The following CARS2 variants were observed in gnomAD, a reference collection of about 807,000 sequenced individuals.
The protein encoded by CARS2 is cysteinyl-tRNA synthetase 2, mitochondrial.
In CARS2, 52 loss-of-function variants were observed where a neutral mutation model predicts 68.8. The observed-to-expected ratio is 0.76, with a 90% CI of 0.61 to 0.95. CARS2 has a LOEUF of 0.95. Among genes scored for constraint, CARS2 ranks in the 40% least tolerant of loss-of-function variants. The probability of loss-of-function intolerance (pLI) is 0.00; values close to 1 mark genes in which losing one functional copy is unlikely to be tolerated. For synonymous variants in CARS2, 314 were observed against 303.6 expected, an observed-to-expected ratio of 1.03 and a Z score of -0.36; for missense variants, 780 against 754.2, an observed-to-expected ratio of 1.03 and a Z score of -0.40.
intron 11 of CARS2, chr13:110,646,545 C>T (rs1288673137): frequency 2.4e-5 from 4 of 165,788 alleles, no homozygotes; most frequent in African/African-American, 7.2e-5. Flanking sequence ...CAAGACCATC[C>T]GGAAGACTCT....
chr13:110,679,623 G>T (rs1025530077), intron 6 of CARS2, among the ~76,000 whole-genome samples: 1 of 111,250 alleles, frequency 9.0e-6, no homozygotes, highest in Non-Finnish European at 1.9e-5. Flanking sequence ...GAGAGAGAGA[G>T]AGGGAGGGAG....
In CARS2 at chr13:110,687,949, T is replaced by C; in HGVS notation, c.463A>G (p.Lys155Glu). Residue 155 changes from lysine to glutamate, a missense_variant and splice_region_variant, in exon 4 of 15, where the codon AAG becomes GAG. Lys to Glu is a moderately conservative substitution (Grantham distance 56). Coordinates refer to ENST00000257347, the MANE Select transcript of CARS2 (RefSeq NM_024537.4). ...EDFKQDMAALKVLPPTVYLRV... is the reference protein window; with the variant it reads ...EDFKQDMAALEVLPPTVYLRV... ...GAACAACCAGCCCCACACTTTACCTTCAGGGCTGCCATGTCCTGCTTGAAG... is the reference window on the plus strand; with the variant it reads ...GAACAACCAGCCCCACACTTTACCTCCAGGGCTGCCATGTCCTGCTTGAAG... 6.2e-7 allele frequency: 1 copy of C among 1,612,232 alleles called. No individual in the cohort carries two copies. The highest frequency in any genetic ancestry group is 8.5e-7 in the Non-Finnish European group (1 of 1,178,768).
At position 110,705,903 on chromosome 13, in the gene CARS2, G is replaced by A; in HGVS notation, c.191C>T (p.Pro64Leu). 1 of 1,575,698 alleles carries A rather than the reference G, an allele frequency of 6.3e-7. No individual in the cohort carries two copies. The highest frequency in any genetic ancestry group is 8.6e-7 in the Non-Finnish European group (1 of 1,162,922). ...GGCTTCGGCGTGCGCCACGATTAGG[G>A]GTTCCTTCCTCCCGGTGAGGCTGTT... ...VYNSLTGRKEPLIVAHAEAAS... is the reference protein window; with the variant it reads ...VYNSLTGRKELLIVAHAEAAS... The change falls in exon 1 of 15, where the codon CCC (proline) becomes CTC (leucine). Residue 64 changes from proline to leucine, a missense_variant. Physicochemically the swap from Pro to Leu is moderately conservative, Grantham distance 98. Transcript: ENST00000257347. The surrounding 1 kb of genome is among the most constrained non-coding windows in gnomAD (Gnocchi z 4.0).
intron 3 of CARS2, among the ~76,000 whole-genome samples, chr13:110,694,125 T>TTAAG (rs972851101): frequency 4.0e-5 from 6 of 151,876 alleles, no homozygotes; most frequent in African/African-American, 1.2e-4. Context: ...CCTCCCAGGT[T>TTAAG]TAAGTGATTT....
rs1375835057 is a variant in CARS2, at chr13:110,692,061, T to C, written c.394-4043A>G. On this transcript the variant is annotated intron_variant, in intron 3 of 14. Coordinates refer to ENST00000257347, the MANE Select transcript of CARS2 (RefSeq NM_024537.4). ...ATATATATATATACACATATACATA[T>C]ATATATACACACATACATATATATA... 2.7e-5 allele frequency among the ~76,000 whole-genome samples: 4 copies of C among 145,918 alleles called. No individual in the cohort carries two copies. In the South Asian group the frequency reaches 8.5e-4, roughly 31 times the overall value.
chr13:110,675,781 C>T (rs1000194506), intron 7 of CARS2, among the ~76,000 whole-genome samples: 4 of 152,170 alleles, frequency 2.6e-5, no homozygotes, highest in Non-Finnish European at 4.4e-5. Context: ...AACACTGAAA[C>T]GCTAGGAACA....
Position 110,651,054 on chromosome 13 carries a change from A to G in CARS2, c.1034T>C (p.Leu345Pro). 6.2e-7 allele frequency: 1 copy of G among 1,613,368 alleles called. No individual in the cohort carries two copies. The highest frequency in any genetic ancestry group is 8.5e-7 in the Non-Finnish European group (1 of 1,179,858). The part of the protein sequence containing the change: ...FSPDVFRFFC[L>P]RSSYRSAIDY... ...CTCACCTGAGCGGTAGCTGCTCCGC[A>G]GGCAGAAGAACCGGAAGACATCGGG... is the stretch of plus-strand genomic sequence containing the variant. Residue 345 changes from leucine (L) to proline (P), a missense_variant, in exon 10 of 15, where the codon CTG (leucine) becomes CCG (proline). Transcript: ENST00000257347.
chr13:110,687,678 CAA>C (rs375287344), intron 5 of CARS2, 41 bp downstream of exon 5: 2,491 of 776,144 alleles, frequency 3.2e-3, no homozygotes, highest in Middle Eastern at 4.7e-3. Flanking sequence ...AACTCTGTCT[CAA>C]AAAAAAAAAA....
At chr13:110,685,232 C>G (rs917274389) in intron 5 of CARS2, among the ~76,000 whole-genome samples, 1 of 152,082 alleles carries the variant, frequency 6.6e-6, no homozygotes, top group African/African-American at 2.4e-5. Context: ...ATTGCTTGAA[C>G]CCGGGAGGCG....
intron 3 of CARS2, among the ~76,000 whole-genome samples, chr13:110,698,391 G>A (rs1055862611): frequency 5.9e-5 from 9 of 151,938 alleles, no homozygotes; most frequent in Non-Finnish European, 1.0e-4. Flanking sequence ...ATGGTGGTGG[G>A]TGTCTGTAAT....
intron 3 of CARS2, among the ~76,000 whole-genome samples, chr13:110,690,142 C>T (rs1053231881): frequency 6.6e-6 from 1 of 152,138 alleles, no homozygotes; most frequent in Non-Finnish European, 1.5e-5. Context: ...GCAGGAGAAT[C>T]GCTTGAACCC....
At chr13:110,687,645 C>T (rs902277990) in intron 5 of CARS2, 76 bp downstream of exon 5, 13 of 934,150 alleles carry the variant, frequency 1.4e-5, no homozygotes, top group Non-Finnish European at 2.1e-5. Context: ...CACCACTGCA[C>T]TCCAGCCTGG....
intron 9 of CARS2, among the ~76,000 whole-genome samples, chr13:110,654,916 T>C (rs767127309): frequency 5.2e-5 from 5 of 95,416 alleles, no homozygotes; most frequent in South Asian, 3.4e-4. Context: ...AGCAAAACCC[T>C]CTCTCAAAAA....
chr13:110,691,944 A>T (rs1359930838), intron 3 of CARS2, among the ~76,000 whole-genome samples: 1 of 145,400 alleles, frequency 6.9e-6, no homozygotes, highest in East Asian at 2.0e-4. Flanking sequence ...TGAATAATAC[A>T]TGCAATCTAT....
chr13:110,682,060 A>C (rs944071603), intron 6 of CARS2, among the ~76,000 whole-genome samples: 4 of 151,180 alleles, frequency 2.6e-5, no homozygotes, highest in Non-Finnish European at 5.9e-5. Context: ...CCTGATGCCA[A>C]CTCTGGTCTC....
chr13:110,710,865 G>C (rs2139957340), upstream of CARS2, among the ~76,000 whole-genome samples: 1 of 152,128 alleles, frequency 6.6e-6, no homozygotes, highest in East Asian at 1.9e-4. Context: ...TGCCTTTTTG[G>C]TTTATGTGTA....
In CARS2 at chr13:110,662,281, C is replaced by A. The variant is rs542124804; in HGVS notation, c.987+1170G>T. 5.9e-4 allele frequency among the ~76,000 whole-genome samples: 81 copies of A among 136,772 alleles called. No homozygotes were observed. The East Asian group carries it at 0.01, about 18-fold the overall frequency. 89.7% of individuals were successfully genotyped at this position (136,772 alleles called of 152,430 possible). ...CGTCATGCAACCCCGTGGCCGGGCTCCGACCCCCCTCTGCGTCATGCAACC... is the reference window on the plus strand; with the variant it reads ...CGTCATGCAACCCCGTGGCCGGGCTACGACCCCCCTCTGCGTCATGCAACC... On this transcript the variant is annotated intron_variant, in intron 9 of 14. Coordinates refer to ENST00000257347, the MANE Select transcript of CARS2 (RefSeq NM_024537.4).
chr13:110,692,023 T>TACAC (rs1271674338), intron 3 of CARS2, among the ~76,000 whole-genome samples: 26 of 66,118 alleles, frequency 3.9e-4, no homozygotes, highest in African/African-American at 9.5e-4. Context: ...TATATATATA[T>TACAC]ACACACACAC....
In CARS2 at chr13:110,665,644, C is replaced by G; in HGVS notation, c.919+1696G>C. Reference sequence around the variant, plus strand: ...CAGTAACAAACCCTGACCTACTGAACAGGATAAACCTGCAGACAGAAACGT... The same window carrying G: ...CAGTAACAAACCCTGACCTACTGAAGAGGATAAACCTGCAGACAGAAACGT... On this transcript the variant is annotated intron_variant, in intron 8 of 14. Coordinates refer to ENST00000257347, the MANE Select transcript of CARS2 (RefSeq NM_024537.4). The surrounding 1 kb of genome is among the most constrained non-coding windows in gnomAD (Gnocchi z 4.3). 1 of 985,416 alleles carries G rather than the reference C, an allele frequency of 1.0e-6. No individual in the cohort carries two copies. 61.0% of individuals were successfully genotyped at this position (985,416 alleles called of 1,614,324 possible).
Sources: gnomAD v4.1 joint callset for allele counts (sites outside exome capture counted in the v4.1 genomes callset) on GRCh38, gnomAD v4.1.1 for gene constraint, Gnocchi (gnomAD v3.1) non-coding constraint, MANE v1.5 for transcripts, NCBI Gene and HGNC (gene_info 2026-07-23, HGNC 2026-07-21) for gene names.